Variants in NFAM1 observed in about 807,000 individuals in gnomAD.
The protein encoded by NFAM1 is NFAT activation molecule 1.
A neutral mutation model predicts 29.0 loss-of-function variants in NFAM1; 17 were observed. The observed-to-expected ratio is 0.59, with a 90% confidence interval of 0.40 to 0.88. The LOEUF is 0.88. NFAM1 is among the 40% of genes least tolerant of loss of function. The pLI, the probability that NFAM1 is intolerant of heterozygous loss-of-function variation, is 0.00. For synonymous variants in NFAM1, 175 were observed against 147.2 expected (o/e 1.19, Z -1.36); for missense variants, 324 against 344.6 (o/e 0.94, Z 0.47).
At position 42,432,325 on chromosome 22, in the gene NFAM1, C is replaced by T; in HGVS notation, c.33G>A (p.Leu11=). The change falls in exon 1 of 6, where the codon CTG becomes CTA. Residue 11 remains leucine (L), a synonymous_variant. Coordinates refer to ENST00000329021, the MANE Select transcript of NFAM1 (RefSeq NM_145912.8). The part of the protein sequence containing the change: MENQPVRWRA[L]PGLPRPPGLP... ...GCCCAGGAGGGCGTGGGAGGCCTGG[C>T]AGGGCCCGCCACCTCACAGGCTGGT... The T allele has an allele frequency of 6.3e-7, 1 of 1,576,788 alleles. No homozygotes were observed. Among genetic ancestry groups the T allele is most frequent in the Non-Finnish European group, 8.6e-7 (1 of 1,161,246 alleles).
chr22:42,399,379 G>A (rs1007767804), intron 3 of NFAM1, among the ~76,000 whole-genome samples: 3 of 151,066 alleles, frequency 2.0e-5, no homozygotes, highest in Non-Finnish European at 3.0e-5. Context: ...CCCAGGGGGC[G>A]GAGGTTGCAG....
chr22:42,431,436 G>A (rs1930793392), intron 1 of NFAM1, among the ~76,000 whole-genome samples: 1 of 152,210 alleles, frequency 6.6e-6, no homozygotes, highest in Admixed American at 6.5e-5. Flanking sequence ...TGGCCAGAGG[G>A]AGGGTTGGCT....
At chr22:42,429,594 C>A (rs985401534) in intron 1 of NFAM1, among the ~76,000 whole-genome samples, 3 of 152,054 alleles carry the variant, frequency 2.0e-5, no homozygotes, top group African/African-American at 7.2e-5. Context: ...CCAGCCTGGG[C>A]AACAGAGCGA....
chr22:42,388,063 T>C lies in NFAM1; in HGVS notation c.664-985A>G, dbSNP rs993054684. Among the ~76,000 whole-genome samples the C allele has an allele frequency of 3.3e-5, 5 of 152,236 alleles. No homozygotes were observed. Among genetic ancestry groups the C allele is most frequent in the African/African-American group, 1.2e-4 (5 of 41,460 alleles). On this transcript the variant is annotated intron_variant, in intron 4 of 5. Transcript: ENST00000329021. This position sits in a 1 kb window ranked among gnomAD's most constrained non-coding sequence, Gnocchi z 4.1. ...AAAGGGAGCAGCACCAAATGAGCTATGGTAAGGGGGCTTCCCCGTCACTCG... is the reference window on the plus strand; with the variant it reads ...AAAGGGAGCAGCACCAAATGAGCTACGGTAAGGGGGCTTCCCCGTCACTCG...
intron 1 of NFAM1, among the ~76,000 whole-genome samples, chr22:42,412,558 G>C (rs567816450): frequency 2.0e-4 from 31 of 152,332 alleles, no homozygotes; most frequent in African/African-American, 7.2e-4. Flanking sequence ...GGCCACCTGG[G>C]ATCAAAGCAC....
chr22:42,412,482 C>T (rs1930128762), intron 1 of NFAM1, among the ~76,000 whole-genome samples: 1 of 152,214 alleles, frequency 6.6e-6, no homozygotes, highest in Admixed American at 6.5e-5. Context: ...GGAGCTACAA[C>T]CCCATCCAGG....
At chr22:42,433,460 C>T (rs991390826), upstream of NFAM1, among the ~76,000 whole-genome samples, 3 of 152,172 alleles carry the variant, frequency 2.0e-5, no homozygotes, top group East Asian at 1.9e-4. Context: ...GTCTGTGGGG[C>T]GGGCATTTGA....
intron 1 of NFAM1, among the ~76,000 whole-genome samples, chr22:42,430,556 CAAAAAAAAAA>C (rs10684230): frequency 1.4e-5 from 1 of 73,002 alleles, no homozygotes; most frequent in Non-Finnish European, 2.6e-5. Context: ...GTGAAACTCT[CAAAAAAAAAA>C]AAAAAAAAAA....
At chr22:42,390,132 G>A (rs964223793) in intron 4 of NFAM1, among the ~76,000 whole-genome samples, 1 of 152,122 alleles carries the variant, frequency 6.6e-6, no homozygotes, top group African/African-American at 2.4e-5. Context: ...GGGCCAGGCT[G>A]GGCTGGGACA....
chr22:42,404,884 C>T (rs1929842494), intron 3 of NFAM1, among the ~76,000 whole-genome samples: 2 of 150,558 alleles, frequency 1.3e-5, no homozygotes, highest in Admixed American at 1.3e-4. Context: ...TGCTCTCCTT[C>T]CATGTTCACT....
intron 1 of NFAM1, among the ~76,000 whole-genome samples, chr22:42,422,239 A>G (rs1930469580): frequency 6.6e-6 from 1 of 152,170 alleles, no homozygotes; most frequent in African/African-American, 2.4e-5. Context: ...CAGAACGTCC[A>G]AGGTTTGAAT....
chr22:42,437,143 T>TTTTGTC, upstream of NFAM1: 45 of 230,538 alleles, frequency 2.0e-4, no homozygotes, highest in South Asian at 4.6e-4. Context: ...CTTTTTGTCT[T>TTTTGTC]TTTTTTTTTT....
intron 1 of NFAM1, among the ~76,000 whole-genome samples, chr22:42,415,281 T>C (rs964613420): frequency 1.3e-4 from 19 of 146,760 alleles, no homozygotes; most frequent in African/African-American, 2.8e-4. Context: ...CACCTTCCTT[T>C]CTTTCTTTCT....
chr22:42,416,969 G>A (rs1011745306), intron 1 of NFAM1, among the ~76,000 whole-genome samples: 2 of 152,124 alleles, frequency 1.3e-5, no homozygotes, highest in Non-Finnish European at 2.9e-5. Flanking sequence ...GAGAGCCACA[G>A]AATTCCAGTT....
At chr22:42,433,447 C>T (rs1569238979), upstream of NFAM1, among the ~76,000 whole-genome samples, 1 of 152,222 alleles carries the variant, frequency 6.6e-6, no homozygotes, top group Non-Finnish European at 1.5e-5. Flanking sequence ...AGGATCAGGG[C>T]AGGTCTGTGG....
chr22:42,431,426 T>C (rs1930792956), intron 1 of NFAM1, among the ~76,000 whole-genome samples: 1 of 152,150 alleles, frequency 6.6e-6, no homozygotes, highest in Non-Finnish European at 1.5e-5. Flanking sequence ...GCCACCCCTT[T>C]GGCCAGAGGG....
chr22:42,409,392 G>T lies in NFAM1; in HGVS notation c.564+43C>A. 2 of 1,118,470 alleles carry T rather than the reference G, an allele frequency of 1.8e-6. No homozygotes were observed. The highest frequency in any genetic ancestry group is 1.2e-6 in the Non-Finnish European group (1 of 800,228). 69.3% of individuals were successfully genotyped at this position (1,118,470 alleles called of 1,614,324 possible). A position where few individuals can be genotyped will look rare whatever the true frequency, so the allele number is the denominator to read the frequency against. Reference sequence around the variant, plus strand: ...AGGGCAGGCGGGCAGCCGGTGGCGTGTCGGGTGGAGGGGCTGCATGGCTGT... The same window carrying T: ...AGGGCAGGCGGGCAGCCGGTGGCGTTTCGGGTGGAGGGGCTGCATGGCTGT... On this transcript the variant is annotated intron_variant, in intron 3 of 5. Transcript: ENST00000329021. This position sits in a 1 kb window ranked among gnomAD's most constrained non-coding sequence, Gnocchi z 4.9.
chr22:42,394,864 TC>T (rs903736430), intron 4 of NFAM1, among the ~76,000 whole-genome samples: 3 of 152,144 alleles, frequency 2.0e-5, no homozygotes, highest in Non-Finnish European at 1.5e-5. Flanking sequence ...ACGCCTGTAA[TC>T]CCAGCACTTT....
intron 1 of NFAM1, among the ~76,000 whole-genome samples, chr22:42,420,153 G>T (rs1930400567): frequency 6.6e-6 from 1 of 151,820 alleles, no homozygotes; most frequent in African/African-American, 2.4e-5. Flanking sequence ...TAGGATTACA[G>T]GCATGCGCCA....
Sources: gnomAD v4.1 joint callset for allele counts (sites outside exome capture counted in the v4.1 genomes callset) on GRCh38, gnomAD v4.1.1 for gene constraint, Gnocchi (gnomAD v3.1) non-coding constraint, MANE v1.5 for transcripts, NCBI Gene and HGNC (gene_info 2026-07-23, HGNC 2026-07-21) for gene names.